The following SPOPL variants were observed in gnomAD, a reference collection of about 807,000 sequenced individuals.
SPOPL encodes speckle type BTB/POZ protein like.
Under a neutral mutation model 53.8 loss-of-function variants are expected in SPOPL, and 23 were observed. That is an observed-to-expected ratio of 0.43 (90% CI 0.31 to 0.61). The LOEUF is 0.61. Among genes scored for constraint, SPOPL ranks in the 20% least tolerant of loss-of-function variants. The pLI, the probability that SPOPL is intolerant of heterozygous loss-of-function variation, is 0.12. For missense variants in SPOPL, 442 were observed against 466.9 expected (o/e 0.95, Z 0.49); for synonymous variants, 164 against 149.7 (o/e 1.10, Z -0.70).
In SPOPL at chr2:138,561,692, TAGC is replaced by T. The variant is rs147760546; in HGVS notation, c.837+770_837+772del. Among the ~76,000 whole-genome samples the T allele has an allele frequency of 9.3e-4, 142 of 152,264 alleles. 1 individual carries two copies. The Middle Eastern group carries it at 0.014, about 15-fold the overall frequency. ...CTTAAATTAAAAACACCATTTACAATAGCAGCATCATCAGTATTAAATACATAG... is the reference window on the plus strand; with the variant it reads ...CTTAAATTAAAAACACCATTTACAATAGCATCATCAGTATTAAATACATAG... On this transcript the variant is annotated intron_variant, in intron 8 of 10. Transcript: ENST00000280098.
At chr2:138,502,504 C>G (rs539547444) in intron 1 of SPOPL, among the ~76,000 whole-genome samples, 1 of 152,342 alleles carries the variant, frequency 6.6e-6, no homozygotes, top group South Asian at 2.1e-4. Context: ...TGCCCAAAGG[C>G]AGAAACTGCA....
Position 138,550,232 on chromosome 2 carries a change from A to C in SPOPL, c.16A>C (p.Thr6Pro), listed in dbSNP as rs757597289. Residue 6 changes from threonine (T) to proline (P), a missense_variant, in exon 2 of 11, where the codon ACC becomes CCC. Physicochemically the swap from Thr to Pro is conservative, Grantham distance 38. Coordinates refer to ENST00000280098, the MANE Select transcript of SPOPL (RefSeq NM_001001664.3). ...TAAAGTGGTGATGTCTCGGGAACCC[A>C]CCCCACCTCTACCTGGAGATATGTC... Reference protein sequence around the residue: MSREPTPPLPGDMSTG... With the variant: MSREPPPPLPGDMSTG... The C allele has an allele frequency of 1.7e-5, 27 of 1,613,452 alleles. No homozygotes were observed. In the South Asian group the frequency reaches 2.9e-4, roughly 17 times the overall value.
chr2:138,551,122 T>C, intron 4 of SPOPL, 68 bp downstream of exon 4: 1 of 1,545,534 alleles, frequency 6.5e-7, no homozygotes, highest in African/African-American at 1.4e-5. Context: ...TTCTGCACCT[T>C]TACCTAGAAA....
Position 138,572,108 on chromosome 2 carries a change from A to G in SPOPL, c.*3028A>G, listed in dbSNP as rs1236550376. 6.6e-6 allele frequency: 1 copy of G among 152,504 alleles called. No homozygotes were observed. Among genetic ancestry groups the G allele is most frequent in the Non-Finnish European group, 1.5e-5 (1 of 67,994 alleles). The allele number at this position is 152,504 out of a possible 1,614,324, so 9.4% of individuals were successfully genotyped here. A position where few individuals can be genotyped will look rare whatever the true frequency, so the allele number is the denominator to read the frequency against. The stretch of plus-strand genomic sequence containing the variant: ...CAAAGAGTGAATTTCTGGAAATAGA[A>G]ATCAGTTAAATGTTGAAAGTTCAGG... On this transcript the variant is annotated 3_prime_UTR_variant, in exon 11 of 11. Transcript: ENST00000280098.
rs139377708 is a variant in SPOPL at position 138,525,759 on chromosome 2, G to A, written c.-61+23640G>A. Among the ~76,000 whole-genome samples, 746 of 151,726 alleles carry A rather than the reference G, an allele frequency of 4.9e-3. 7 individuals are homozygous for A. Among genetic ancestry groups the A allele is most frequent in the African/African-American group, 0.017 (720 of 41,360 alleles). On this transcript the variant is annotated intron_variant, in intron 1 of 10. Transcript: ENST00000280098. ...AGGCTGAGGCAGGAGGATCTCTTGA[G>A]CCTGGGAGGTTGAGGCTGCAGTGAG...
intron 1 of SPOPL, among the ~76,000 whole-genome samples, chr2:138,513,552 A>G (rs1684374290): frequency 6.6e-6 from 1 of 152,032 alleles, no homozygotes; most frequent in Non-Finnish European, 1.5e-5. Flanking sequence ...TCCATCTTAA[A>G]AAAATGATAA....
At chr2:138,550,839 C>CTCTCTG in intron 3 of SPOPL, 64 bp from the exon 4 acceptor site, 1 of 1,537,014 alleles carries the variant, frequency 6.5e-7, no homozygotes, top group Non-Finnish European at 8.8e-7. Flanking sequence ...CTCTCTCTCT[C>CTCTCTG]TCTCTCTCTC....
intron 5 of SPOPL, 58 bp downstream of exon 5, chr2:138,552,739 A>G: frequency 1.3e-6 from 2 of 1,536,066 alleles, no homozygotes; most frequent in Non-Finnish European, 1.8e-6. Flanking sequence ...TGGCAAAAGT[A>G]TAAACTGGAT....
intron 1 of SPOPL, among the ~76,000 whole-genome samples, chr2:138,521,985 A>G (rs1190876612): frequency 6.6e-6 from 1 of 152,184 alleles, no homozygotes; most frequent in East Asian, 1.9e-4. Context: ...CAGCCTTCAG[A>G]CTAGAACAGA....
intron 1 of SPOPL, among the ~76,000 whole-genome samples, chr2:138,539,576 C>T (rs1685019170): frequency 6.8e-6 from 1 of 146,122 alleles, no homozygotes; most frequent in Admixed American, 6.9e-5. Context: ...TCATATCCTT[C>T]AGCCACTTTT....
intron 5 of SPOPL, 110 bp from the exon 6 acceptor site, chr2:138,558,912 A>T: frequency 1.3e-6 from 1 of 792,038 alleles, no homozygotes; most frequent in Non-Finnish European, 1.8e-6. Flanking sequence ...GATTAGGAGT[A>T]CATTGAATTA....
intron 1 of SPOPL, 46 bp from the exon 2 acceptor site, chr2:138,550,111 T>C: frequency 1.1e-6 from 1 of 893,040 alleles, no homozygotes; most frequent in Non-Finnish European, 1.8e-6. Context: ...CTTGATTCTG[T>C]CGTTTAAACT....
At chr2:138,566,073 T>G (rs148249507) in intron 10 of SPOPL, among the ~76,000 whole-genome samples, 78 of 152,324 alleles carry the variant, frequency 5.1e-4, no homozygotes, top group Non-Finnish European at 1.1e-3. Context: ...TTTGTTGACT[T>G]AATTATTTCC....
chr2:138,517,218 G>C (rs1247619801), intron 1 of SPOPL, among the ~76,000 whole-genome samples: 3 of 152,170 alleles, frequency 2.0e-5, no homozygotes, highest in Admixed American at 2.0e-4. Context: ...ATGGATTATA[G>C]AGGGTGGTTG....
At chr2:138,504,255 T>C (rs1684167210) in intron 1 of SPOPL, among the ~76,000 whole-genome samples, 1 of 152,220 alleles carries the variant, frequency 6.6e-6, no homozygotes, top group Non-Finnish European at 1.5e-5. Flanking sequence ...GTGACACTGT[T>C]TTTGGTAATG....
chr2:138,545,598 TA>T (rs1326851429), intron 1 of SPOPL, among the ~76,000 whole-genome samples: 1 of 12,210 alleles, frequency 8.2e-5, no homozygotes, highest in African/African-American at 9.4e-5. Context: ...CACACCCGGC[TA>T]ATTTTTTTTT....
intron 8 of SPOPL, among the ~76,000 whole-genome samples, chr2:138,563,155 A>G (rs1449935314): frequency 6.6e-6 from 1 of 152,138 alleles, no homozygotes; most frequent in Non-Finnish European, 1.5e-5. Context: ...TTGAGCAAAC[A>G]TTTTCTGAAA....
chr2:138,546,620 T>C (rs1363479904), intron 1 of SPOPL, among the ~76,000 whole-genome samples: 1 of 152,226 alleles, frequency 6.6e-6, no homozygotes, highest in African/African-American at 2.4e-5. Context: ...ATTGGAACAA[T>C]AGGTAAGGCC....
chr2:138,547,618 T>TC (rs1685225083), intron 1 of SPOPL, among the ~76,000 whole-genome samples: 1 of 151,766 alleles, frequency 6.6e-6, no homozygotes, highest in African/African-American at 2.4e-5. Context: ...TTTTCCACTT[T>TC]TAAAAATAAT....
Sources: gnomAD v4.1 joint callset for allele counts (sites outside exome capture counted in the v4.1 genomes callset) on GRCh38, gnomAD v4.1.1 for gene constraint, MANE v1.5 for transcripts, NCBI Gene and HGNC (gene_info 2026-07-23, HGNC 2026-07-21) for gene names.